KLHL29: variants seen among roughly 807,000 people sequenced by gnomAD.
KLHL29 encodes kelch-like protein 29.
In KLHL29, 21 loss-of-function variants were observed where a neutral mutation model predicts 80.4. That is an observed-to-expected ratio of 0.26 (90% confidence interval 0.19 to 0.38). The LOEUF (loss-of-function observed/expected upper bound fraction) is 0.38. KLHL29 is among the 10% of genes least tolerant of loss of function. The probability of loss-of-function intolerance (pLI) is 1.00; values close to 1 mark genes in which losing one functional copy is unlikely to be tolerated. For synonymous variants in KLHL29, 511 were observed against 526.8 expected, an observed-to-expected ratio of 0.97 and a Z score of 0.41; for missense variants, 867 against 1,223.9, an observed-to-expected ratio of 0.71 and a Z score of 4.35.
rs115605658 is a variant in KLHL29, at chr2:23,408,591, A to C, written c.-154+22811A>C. ...CCAACATATTTGCTAATGAGTTATT[A>C]CTGGCAAATAAAAAAGCTGTTAATG... On this transcript the variant is annotated intron_variant, in intron 1 of 13. Coordinates refer to ENST00000486442, the MANE Select transcript of KLHL29 (RefSeq NM_052920.2). Among the ~76,000 whole-genome samples, 360 of 152,300 alleles carry C rather than the reference A, an allele frequency of 2.4e-3. 1 individual carries two copies. The highest frequency in any genetic ancestry group is 8.3e-3 in the African/African-American group (346 of 41,550).
intron 2 of KLHL29, among the ~76,000 whole-genome samples, chr2:23,519,321 G>A (rs1403952742): frequency 1.4e-5 from 2 of 143,268 alleles, no homozygotes; most frequent in African/African-American, 2.6e-5. Context: ...CAGGTCCCCC[G>A]TCCTCCCCTC....
intron 3 of KLHL29, among the ~76,000 whole-genome samples, chr2:23,634,099 G>A (rs780744717): frequency 6.6e-6 from 1 of 152,136 alleles, no homozygotes; most frequent in African/African-American, 2.4e-5. Flanking sequence ...TTCCTCCAGG[G>A]CAGGACCTTG....
At chr2:23,483,094 TAGTG>T (rs1558354962) in intron 2 of KLHL29, among the ~76,000 whole-genome samples, 1 of 152,196 alleles carries the variant, frequency 6.6e-6, no homozygotes, top group Non-Finnish European at 1.5e-5. Flanking sequence ...TTACTTGACT[TAGTG>T]AGCATCTACT....
chr2:23,612,417 T>A (rs1047356887), intron 3 of KLHL29, among the ~76,000 whole-genome samples: 14 of 152,300 alleles, frequency 9.2e-5, no homozygotes, highest in East Asian at 3.9e-4. Context: ...AAGATTTTTT[T>A]AAAAAGTTCA....
chr2:23,597,609 G>A (rs1200907173), intron 3 of KLHL29, among the ~76,000 whole-genome samples: 1 of 151,330 alleles, frequency 6.6e-6, no homozygotes, highest in Admixed American at 6.6e-5. Context: ...ATCTTTAGTA[G>A]AGACGGGGTT....
At chr2:23,650,086 G>T (rs543148012) in intron 5 of KLHL29, among the ~76,000 whole-genome samples, 3 of 152,240 alleles carry the variant, frequency 2.0e-5, no homozygotes, top group Non-Finnish European at 4.4e-5. Context: ...GCCCCACGTG[G>T]TCTGGGTTCC....
At position 23,684,129 on chromosome 2, in the gene KLHL29, T is replaced by A. The variant is rs1671171279; in HGVS notation, c.941-270T>A. 1.3e-5 allele frequency among the ~76,000 whole-genome samples: 2 copies of A among 152,170 alleles called. No homozygotes were observed. Among genetic ancestry groups the A allele is most frequent in the Admixed American group, 1.3e-4 (2 of 15,284 alleles). ...GGAATCTCTCCCCCAACCTTTCAAT[T>A]TCTGGGTTTGATTTTTTGTATCATA... On this transcript the variant is annotated intron_variant, in intron 5 of 13. Transcript: ENST00000486442. The surrounding 1 kb of genome is among the most constrained non-coding windows in gnomAD (Gnocchi z 4.4).
intron 3 of KLHL29, among the ~76,000 whole-genome samples, chr2:23,607,502 A>T (rs1003682012): frequency 2.0e-5 from 3 of 152,222 alleles, no homozygotes; most frequent in African/African-American, 7.2e-5. Flanking sequence ...TTTTAATGAA[A>T]TATCTGAAAT....
At chr2:23,578,550 A>G (rs1201812974) in intron 3 of KLHL29, among the ~76,000 whole-genome samples, 1 of 152,220 alleles carries the variant, frequency 6.6e-6, no homozygotes, top group African/African-American at 2.4e-5. Flanking sequence ...CATCGTCTTC[A>G]TTGTGTGACC....
chr2:23,572,617 G>A (rs1382907747), intron 3 of KLHL29, among the ~76,000 whole-genome samples: 9 of 152,078 alleles, frequency 5.9e-5, no homozygotes, highest in Non-Finnish European at 1.5e-5. Context: ...TGTTGGGTTA[G>A]GGAAGATGAA....
intron 6 of KLHL29, among the ~76,000 whole-genome samples, chr2:23,687,294 G>A (rs1354390452): frequency 2.0e-5 from 3 of 152,160 alleles, no homozygotes; most frequent in Non-Finnish European, 4.4e-5. Context: ...TGCTGTCCCC[G>A]CATCCCCAGG....
chr2:23,394,652 A>G (rs994169418), intron 1 of KLHL29, among the ~76,000 whole-genome samples: 2 of 152,374 alleles, frequency 1.3e-5, no homozygotes, highest in African/African-American at 4.8e-5. Flanking sequence ...TAAAAAAATC[A>G]TATGTTTAGC....
intron 3 of KLHL29, among the ~76,000 whole-genome samples, chr2:23,609,852 A>G (rs1452483513): frequency 6.6e-6 from 1 of 152,192 alleles, no homozygotes; most frequent in Non-Finnish European, 1.5e-5. Context: ...GCAAGACTAC[A>G]CTAATCTAAG....
intron 2 of KLHL29, among the ~76,000 whole-genome samples, chr2:23,522,822 G>A (rs980342850): frequency 5.3e-5 from 8 of 152,312 alleles, no homozygotes; most frequent in Non-Finnish European, 8.8e-5. Flanking sequence ...GCTGTTGGAC[G>A]TGCAGCTCTT....
At chr2:23,529,194 A>G (rs1666421871) in intron 2 of KLHL29, among the ~76,000 whole-genome samples, 1 of 152,246 alleles carries the variant, frequency 6.6e-6, no homozygotes, top group African/African-American at 2.4e-5. Context: ...ACTGAGGCCT[A>G]GAACTCCTGA....
At chr2:23,528,496 G>T (rs944254028) in intron 2 of KLHL29, among the ~76,000 whole-genome samples, 3 of 152,164 alleles carry the variant, frequency 2.0e-5, no homozygotes, top group Non-Finnish European at 4.4e-5. Context: ...GCCCTTATAA[G>T]GTGGGCTGTA....
rs1665499808 is a variant in KLHL29, at chr2:23,503,067, A to C, written c.-46+27400A>C. On this transcript the variant is annotated intron_variant, in intron 2 of 13. Transcript: ENST00000486442. This position sits in a 1 kb window ranked among gnomAD's most constrained non-coding sequence, Gnocchi z 4.0. The stretch of plus-strand genomic sequence containing the variant: ...ACATCAGGAAAAATAACCTGAGAAT[A>C]GATGTGTTTTGTTTGAATGTCGTAG... Among the ~76,000 whole-genome samples the C allele has an allele frequency of 1.3e-5, 2 of 152,184 alleles. No homozygotes were observed. The highest frequency in any genetic ancestry group is 2.9e-5 in the Non-Finnish European group (2 of 68,038).
At chr2:23,581,328 T>A (rs189282094) in intron 3 of KLHL29, among the ~76,000 whole-genome samples, 69 of 152,324 alleles carry the variant, frequency 4.5e-4, no homozygotes, top group Admixed American at 1.4e-3. Flanking sequence ...CTCTTTCATG[T>A]ATTCATTCAA....
intron 1 of KLHL29, among the ~76,000 whole-genome samples, chr2:23,429,213 G>A (rs2103407190): frequency 6.6e-6 from 1 of 152,334 alleles, no homozygotes; most frequent in East Asian, 1.9e-4. Context: ...TGATGAGCCA[G>A]GGCCTCTAAG....
Sources: allele counts gnomAD v4.1 joint callset (sites outside exome capture counted in the v4.1 genomes callset), GRCh38; gene constraint gnomAD v4.1.1; non-coding constraint Gnocchi (gnomAD v3.1); transcripts MANE v1.5; gene names NCBI Gene and HGNC (gene_info 2026-07-23, HGNC 2026-07-21).